The following ATP13A4 variants were observed in gnomAD, a reference collection of about 807,000 sequenced individuals.
ATP13A4 encodes ATPase 13A4.
In ATP13A4, 114 loss-of-function variants were observed where a neutral mutation model predicts 142.5. The observed-to-expected ratio is 0.80, with a 90% CI of 0.69 to 0.93. The LOEUF (loss-of-function observed/expected upper bound fraction) is 0.93, where lower values mean the gene tolerates loss of function less well. ATP13A4 is among the 40% of genes least tolerant of loss of function. ATP13A4 has a pLI of 0.00. For synonymous variants in ATP13A4, 488 were observed against 514.8 expected, an observed-to-expected ratio of 0.95 and a Z score of 0.70; for missense variants, 1,392 against 1,454.0, an observed-to-expected ratio of 0.96 and a Z score of 0.69.
rs147234296 is a variant in ATP13A4, at chr3:193,525,765, G to A, written c.61-10894C>T. 3.2e-4 allele frequency among the ~76,000 whole-genome samples: 48 copies of A among 152,284 alleles called. 1 individual carries two copies. The highest frequency in any genetic ancestry group is 1.2e-3 in the African/African-American group (48 of 41,562). ...TCTCTCTCAACCAGAACAACTCTGT[G>A]TCTATCTATTTTATATATTAATCTT... On this transcript the variant is annotated intron_variant, in intron 1 of 29. Transcript: ENST00000342695.
rs763705082 is a variant in ATP13A4 at position 193,467,331 on chromosome 3, C to T, written c.1099G>A (p.Val367Met). 99 of 1,614,038 alleles carry T rather than the reference C, an allele frequency of 6.1e-5. No individual in the cohort carries two copies. Among genetic ancestry groups the T allele is most frequent in the Admixed American group, 1.3e-4 (8 of 59,994 alleles). The change falls in exon 10 of 30, where the codon GTG becomes ATG. Residue 367 changes from valine (V) to methionine (M), a missense_variant. Physicochemically the swap from Val to Met is conservative, Grantham distance 21. Coordinates refer to ENST00000342695, the MANE Select transcript of ATP13A4 (RefSeq NM_032279.4). ...KAACSGTVRA[V>M]VLQTGFNTAK... Reference sequence around the variant, plus strand: ...GGATGCTAACCAGTCTGCAGTACCACGGCTCTCACGGTCCCAGAGCAAGCT... The same window carrying T: ...GGATGCTAACCAGTCTGCAGTACCATGGCTCTCACGGTCCCAGAGCAAGCT...
At chr3:193,475,746 T>C (rs978894361) in intron 8 of ATP13A4, among the ~76,000 whole-genome samples, 1 of 152,048 alleles carries the variant, frequency 6.6e-6, no homozygotes, top group Non-Finnish European at 1.5e-5. Flanking sequence ...ATCAAGTTGC[T>C]GGCATAACCA....
At chr3:193,494,005 A>G (rs1024649891) in intron 3 of ATP13A4, among the ~76,000 whole-genome samples, 11 of 152,124 alleles carry the variant, frequency 7.2e-5, no homozygotes, top group South Asian at 2.1e-4. Context: ...CAGATAAGAT[A>G]CACTTTAAAT....
intron 2 of ATP13A4, among the ~76,000 whole-genome samples, chr3:193,505,692 C>G (rs1316930231): frequency 6.6e-6 from 1 of 152,132 alleles, no homozygotes; most frequent in Non-Finnish European, 1.5e-5. Flanking sequence ...ACTGACTTCT[C>G]TCTTGTATAC....
upstream of ATP13A4, among the ~76,000 whole-genome samples, chr3:193,557,484 A>G (rs1001355485): frequency 1.3e-5 from 2 of 152,236 alleles, no homozygotes; most frequent in Non-Finnish European, 2.9e-5. Flanking sequence ...ATGAGGCACA[A>G]TTCTAAACAG....
chr3:193,435,410 G>C (rs913551135), intron 24 of ATP13A4, among the ~76,000 whole-genome samples: 1 of 152,132 alleles, frequency 6.6e-6, no homozygotes, highest in Non-Finnish European at 1.5e-5. Context: ...ATTCAGTGGT[G>C]ATTTCAGCTA....
At chr3:193,569,187 G>A (rs190328435) in intron 2 of ATP13A4, among the ~76,000 whole-genome samples, 45 of 152,308 alleles carry the variant, frequency 3.0e-4, no homozygotes, top group African/African-American at 9.9e-4. Flanking sequence ...GATAGGAATG[G>A]CATTTTGCCT....
intron 28 of ATP13A4, among the ~76,000 whole-genome samples, chr3:193,409,923 TA>T (rs1448149766): frequency 1.3e-5 from 2 of 152,208 alleles, no homozygotes; most frequent in African/African-American, 4.8e-5. Context: ...ATGAATAAGA[TA>T]CACTGTTGGA....
intron 12 of ATP13A4, among the ~76,000 whole-genome samples, chr3:193,464,015 G>A (rs1718116026): frequency 6.6e-6 from 1 of 152,230 alleles, no homozygotes; most frequent in Non-Finnish European, 1.5e-5. Context: ...CAGTGAGAAG[G>A]CACTTAATGC....
rs1560167278 is a variant in ATP13A4 at position 193,407,451 on chromosome 3, C to T, written c.3298-58G>A. On this transcript the variant is annotated intron_variant, in intron 28 of 29. Coordinates refer to ENST00000342695, the MANE Select transcript of ATP13A4 (RefSeq NM_032279.4). ...AAGACACGCAGATGCTGGAAACATG[C>T]TCACATGTTCACAGCATATATTTTC... 1.2e-5 allele frequency: 16 copies of T among 1,315,944 alleles called. No individual in the cohort carries two copies. The Admixed American group carries it at 2.0e-4, about 17-fold the overall frequency. 81.5% of individuals were successfully genotyped at this position (1,315,944 alleles called of 1,614,324 possible).
intron 3 of ATP13A4, among the ~76,000 whole-genome samples, chr3:193,497,501 A>T (rs557751280): frequency 1.3e-5 from 2 of 152,240 alleles, no homozygotes; most frequent in Non-Finnish European, 2.9e-5. Context: ...TATGAAAAAC[A>T]GTATACAGGT....
intron 2 of ATP13A4, among the ~76,000 whole-genome samples, chr3:193,575,540 C>G (rs1724373586): frequency 6.6e-6 from 1 of 152,034 alleles, no homozygotes. Flanking sequence ...GAAACGTGGC[C>G]AGGGAACAGA....
chr3:193,528,180 G>A (rs1722115619), intron 1 of ATP13A4, among the ~76,000 whole-genome samples: 1 of 152,238 alleles, frequency 6.6e-6, no homozygotes, highest in Non-Finnish European at 1.5e-5. Flanking sequence ...TCCTCTGGGA[G>A]AAGGAGCATG....
upstream of ATP13A4, among the ~76,000 whole-genome samples, chr3:193,556,626 TG>T (rs369456477): frequency 3.6e-3 from 547 of 151,412 alleles, 2 homozygotes; most frequent in South Asian, 7.9e-3. Context: ...AAAGGGTTTA[TG>T]GGGGGGGTAA....
chr3:193,464,505 G>T (rs190441223), intron 12 of ATP13A4, among the ~76,000 whole-genome samples: 19 of 152,290 alleles, frequency 1.2e-4, no homozygotes, highest in African/African-American at 4.6e-4. Context: ...TCATAGTAAG[G>T]CACAGTTTAA....
intron 2 of ATP13A4, among the ~76,000 whole-genome samples, chr3:193,565,390 G>A (rs1414176360): frequency 2.6e-5 from 4 of 152,278 alleles, no homozygotes; most frequent in Middle Eastern, 3.4e-3. Flanking sequence ...TTTCTTTGGT[G>A]CTCTCAAAAT....
At chr3:193,427,933 A>G (rs141652431) in intron 25 of ATP13A4, among the ~76,000 whole-genome samples, 112,761 of 151,996 alleles carry the variant, frequency 0.74, 42,061 homozygotes, top group Admixed American at 0.78. Context: ...AGCCAAAATT[A>G]ACAAATGGGA....
At chr3:193,442,208 A>G (rs1339369073) in intron 19 of ATP13A4, among the ~76,000 whole-genome samples, 185 bp downstream of exon 19, 1 of 152,240 alleles carries the variant, frequency 6.6e-6, no homozygotes, top group Non-Finnish European at 1.5e-5. Context: ...TTTCCAGCAC[A>G]CAGGAAAGCA....
At chr3:193,512,886 ACTTTT>A (rs930102449) in intron 2 of ATP13A4, among the ~76,000 whole-genome samples, 7 of 152,164 alleles carry the variant, frequency 4.6e-5, no homozygotes, top group South Asian at 4.1e-4. Context: ...GGTGCCGGGC[ACTTTT>A]CTTTTGTGCA....
Sources: gnomAD v4.1 joint callset for allele counts (sites outside exome capture counted in the v4.1 genomes callset) on GRCh38, gnomAD v4.1.1 for gene constraint, MANE v1.5 for transcripts, NCBI Gene and HGNC (gene_info 2026-07-23, HGNC 2026-07-21) for gene names.